Variants in CADM4 observed in about 807,000 individuals in gnomAD.
The protein encoded by CADM4 is TSLC1-like 2.
A neutral mutation model predicts 43.9 loss-of-function variants in CADM4; 13 were observed. That is an observed-to-expected ratio of 0.30 (90% CI 0.19 to 0.47). CADM4 has a LOEUF of 0.47. Ranked by LOEUF, CADM4 falls within the 20% of genes least tolerant of loss-of-function variation. The pLI is 1.00. For synonymous variants in CADM4, 209 were observed against 220.9 expected (o/e 0.95, Z 0.48); for missense variants, 420 against 527.0 (o/e 0.80, Z 1.99).
rs986495216 is a variant in CADM4 at position 43,639,700 on chromosome 19, C to T, written c.64+27G>A. 5.0e-5 allele frequency: 49 copies of T among 983,878 alleles called. No individual in the cohort carries two copies. In the Admixed American group the frequency reaches 1.5e-3, roughly 30 times the overall value. 60.9% of individuals were successfully genotyped at this position (983,878 alleles called of 1,614,324 possible). ...CAGCGCGCCCCCCGCCCCAGCCCGG[C>T]CGGCCGACCCCGGCCCCCGACCCTA... On this transcript the variant is annotated intron_variant, in intron 1 of 8. Coordinates refer to ENST00000222374, the MANE Select transcript of CADM4 (RefSeq NM_145296.2).
In CADM4 at chr19:43,626,981, G is replaced by A; in HGVS notation, c.365-63C>T. On this transcript the variant is annotated intron_variant, in intron 3 of 8. Transcript: ENST00000222374. This position sits in a 1 kb window ranked among gnomAD's most constrained non-coding sequence, Gnocchi z 5.9. ...GCACGAACGTGGGCTCAAAGCGATC[G>A]AGCTGCCTGTTCCCAGCGACCATAG... 2 of 1,508,590 alleles carry A rather than the reference G, an allele frequency of 1.3e-6. No homozygotes were observed. Among genetic ancestry groups the A allele is most frequent in the East Asian group, 2.4e-5 (1 of 41,790 alleles). 93.5% of individuals were successfully genotyped at this position (1,508,590 alleles called of 1,614,324 possible). A position where few individuals can be genotyped will look rare whatever the true frequency, so the allele number is the denominator to read the frequency against.
Position 43,639,816 on chromosome 19 carries a change from C to T in CADM4, c.-26G>A, listed in dbSNP as rs995701126. The T allele has an allele frequency of 1.2e-5, 12 of 998,516 alleles. No homozygotes were observed. The African/African-American group carries it at 2.0e-4, about 16-fold the overall frequency. 61.9% of individuals were successfully genotyped at this position (998,516 alleles called of 1,614,324 possible). ...GGTGCCGCCGCCGCCGCCGCCGCCG[C>T]TCGCTCCCGGCCCGGCACCTGCACC... On this transcript the variant is annotated 5_prime_UTR_variant, in exon 1 of 9. Transcript: ENST00000222374.
chr19:43,630,541 C>T (rs1973607187), intron 1 of CADM4, among the ~76,000 whole-genome samples: 1 of 152,096 alleles, frequency 6.6e-6, no homozygotes, highest in African/African-American at 2.4e-5. Flanking sequence ...GCCTCGGCCT[C>T]CCAAAGTGCT....
Position 43,626,942 on chromosome 19 carries a change from AG to A in CADM4, c.365-25del. The A allele has an allele frequency of 6.4e-7, 1 of 1,567,626 alleles. No individual in the cohort carries two copies. The highest frequency in any genetic ancestry group is 8.6e-7 in the Non-Finnish European group (1 of 1,156,888). ...CACTGCCGCAGGGAGAAGGGAAGTAAGGGGTTAAAGAAGGCACGAACGTGGG... is the reference window on the plus strand; with the variant it reads ...CACTGCCGCAGGGAGAAGGGAAGTAAGGGTTAAAGAAGGCACGAACGTGGG... On this transcript the variant is annotated intron_variant, in intron 3 of 8. Coordinates refer to ENST00000222374, the MANE Select transcript of CADM4 (RefSeq NM_145296.2). This position sits in a 1 kb window ranked among gnomAD's most constrained non-coding sequence, Gnocchi z 5.9.
rs941809134 is a variant in CADM4, at chr19:43,623,990, C to T, written c.1057+124G>A. 14 of 1,220,006 alleles carry T rather than the reference C, an allele frequency of 1.1e-5. No homozygotes were observed. In the African/African-American group the frequency reaches 1.4e-4, roughly 12 times the overall value. The allele number at this position is 1,220,006 out of a possible 1,614,324, so 75.6% of individuals were successfully genotyped here. On this transcript the variant is annotated intron_variant, in intron 8 of 8. Coordinates refer to ENST00000222374, the MANE Select transcript of CADM4 (RefSeq NM_145296.2). This position sits in a 1 kb window ranked among gnomAD's most constrained non-coding sequence, Gnocchi z 4.4. The stretch of plus-strand genomic sequence containing the variant: ...CCGCCCCCTTTGTCATCTCCGCCCC[C>T]GGTGCGGCGGGATTTGGAATCCAGA...
Position 43,627,432 on chromosome 19 carries a change from A to G in CADM4, c.212-114T>C, listed in dbSNP as rs971581840. 3.7e-6 allele frequency: 5 copies of G among 1,344,400 alleles called. No individual in the cohort carries two copies. The highest frequency in any genetic ancestry group is 5.0e-6 in the Non-Finnish European group (5 of 1,002,038). The allele number at this position is 1,344,400 out of a possible 1,614,324, so 83.3% of individuals were successfully genotyped here. The stretch of plus-strand genomic sequence containing the variant: ...CTGCCTCTTTTCTCCAGCCATATCT[A>G]TGAGTCTGAGGTGTCCAACTATTTA... On this transcript the variant is annotated intron_variant, in intron 2 of 8. Coordinates refer to ENST00000222374, the MANE Select transcript of CADM4 (RefSeq NM_145296.2). The surrounding 1 kb of genome is among the most constrained non-coding windows in gnomAD (Gnocchi z 4.0).
intron 1 of CADM4, among the ~76,000 whole-genome samples, chr19:43,638,448 C>T (rs1209220626): frequency 3.3e-5 from 5 of 152,268 alleles, no homozygotes; most frequent in African/African-American, 9.6e-5. Context: ...CAATCTCTGC[C>T]GAACACCCAG....
intron 1 of CADM4, among the ~76,000 whole-genome samples, chr19:43,628,017 C>A (rs1233279706): frequency 6.6e-6 from 1 of 152,112 alleles, no homozygotes; most frequent in Non-Finnish European, 1.5e-5. Flanking sequence ...CTAATGAGGG[C>A]AGCACAGGGC....
chr19:43,634,434 G>A (rs1020369632), intron 1 of CADM4, among the ~76,000 whole-genome samples: 1 of 152,168 alleles, frequency 6.6e-6, no homozygotes, highest in African/African-American at 2.4e-5. Context: ...GAGCCATCAG[G>A]TTCCTCTGGA....
At chr19:43,634,286 T>G (rs1377037037) in intron 1 of CADM4, among the ~76,000 whole-genome samples, 1 of 152,226 alleles carries the variant, frequency 6.6e-6, no homozygotes, top group Non-Finnish European at 1.5e-5. Context: ...ATTCTGGTGC[T>G]TTTAAAAACA....
Position 43,625,107 on chromosome 19 carries a change from G to T in CADM4, c.899C>A (p.Ala300Glu). The change falls in exon 7 of 9, where the codon GCG becomes GAG. Residue 300 changes from alanine (A) to glutamate (E), a missense_variant. Coordinates refer to ENST00000222374, the MANE Select transcript of CADM4 (RefSeq NM_145296.2). The surrounding 1 kb of genome is among the most constrained non-coding windows in gnomAD (Gnocchi z 4.5). ...TCEASNKHGH[A>E]RALYVLVVYD... is the part of the protein sequence containing the mutation. ...GACCACAAGTACGTAGAGCGCCCTC[G>T]CATGGCCGTGCTTATTGGACGCCTC... 6.6e-7 allele frequency: 1 copy of T among 1,512,936 alleles called. No individual in the cohort carries two copies. Among genetic ancestry groups the T allele is most frequent in the Non-Finnish European group, 8.9e-7 (1 of 1,118,040 alleles). 93.7% of individuals were successfully genotyped at this position (1,512,936 alleles called of 1,614,324 possible). A position where few individuals can be genotyped will look rare whatever the true frequency, so the allele number is the denominator to read the frequency against.
chr19:43,628,109 C>T (rs1973559095), intron 1 of CADM4, among the ~76,000 whole-genome samples: 1 of 152,148 alleles, frequency 6.6e-6, no homozygotes, highest in Admixed American at 6.5e-5. Flanking sequence ...TGCAAGAAAG[C>T]TCCATTGGAT....
In CADM4 at chr19:43,623,238, G is replaced by T; in HGVS notation, c.*92C>A. On this transcript the variant is annotated 3_prime_UTR_variant, in exon 9 of 9. Transcript: ENST00000222374. This position sits in a 1 kb window ranked among gnomAD's most constrained non-coding sequence, Gnocchi z 4.4. Reference sequence around the variant, plus strand: ...GTGGGGGGAGAAGCCCACCATCCCAGACTCTGGTAAATGTCTTTGCTGGTT... The same window carrying T: ...GTGGGGGGAGAAGCCCACCATCCCATACTCTGGTAAATGTCTTTGCTGGTT... The T allele has an allele frequency of 2.2e-6, 2 of 915,086 alleles. No homozygotes were observed. Among genetic ancestry groups the T allele is most frequent in the South Asian group, 1.3e-5 (1 of 76,830 alleles). The allele number at this position is 915,086 out of a possible 1,614,324, so 56.7% of individuals were successfully genotyped here.
chr19:43,624,899 G>C (rs1221584516), intron 7 of CADM4, 179 bp downstream of exon 7: 2 of 629,374 alleles, frequency 3.2e-6, no homozygotes, highest in African/African-American at 3.7e-5. Flanking sequence ...GACAGGTTCG[G>C]TTACCTGCAA....
chr19:43,640,245 C>T (rs1476906284), upstream of CADM4, among the ~76,000 whole-genome samples: 3 of 145,840 alleles, frequency 2.1e-5, no homozygotes, highest in African/African-American at 7.7e-5. Flanking sequence ...GCGCGGGCGT[C>T]GTGGGGTGCG....
Position 43,623,747 on chromosome 19 carries a change from GCT to G in CADM4, c.1058-310_1058-309del, listed in dbSNP as rs1973477103. On this transcript the variant is annotated intron_variant, in intron 8 of 8. Coordinates refer to ENST00000222374, the MANE Select transcript of CADM4 (RefSeq NM_145296.2). The surrounding 1 kb of genome is among the most constrained non-coding windows in gnomAD (Gnocchi z 4.4). ...AATAAATTGTTTTATTCAAATCCAT[GCT>G]CTTTTTTTCCCCTAATTTTTTGTAT... Among the ~76,000 whole-genome samples the G allele has an allele frequency of 6.6e-6, 1 of 152,164 alleles. No homozygotes were observed. Among genetic ancestry groups the G allele is most frequent in the African/African-American group, 2.4e-5 (1 of 41,434 alleles).
intron 8 of CADM4, 49 bp downstream of exon 8, chr19:43,624,065 C>T (rs781138933): frequency 1.2e-6 from 2 of 1,604,642 alleles, no homozygotes; most frequent in South Asian, 1.1e-5. Flanking sequence ...CGCCTCTTTC[C>T]GAGCCCTACA....
chr19:43,638,761 C>G (rs1484068230), intron 1 of CADM4, among the ~76,000 whole-genome samples: 1 of 152,224 alleles, frequency 6.6e-6, no homozygotes, highest in Non-Finnish European at 1.5e-5. Context: ...TTCGCTGAAT[C>G]CACGTGTGTG....
intron 1 of CADM4, among the ~76,000 whole-genome samples, chr19:43,630,008 G>C (rs973416095): frequency 2.6e-5 from 4 of 151,558 alleles, no homozygotes; most frequent in Admixed American, 2.6e-4. Flanking sequence ...TCCCAGGCTC[G>C]AGTGATCCCA....
Sources: gnomAD v4.1 joint callset for allele counts (sites outside exome capture counted in the v4.1 genomes callset) on GRCh38, gnomAD v4.1.1 for gene constraint, Gnocchi (gnomAD v3.1) non-coding constraint, MANE v1.5 for transcripts, NCBI Gene and HGNC (gene_info 2026-07-23, HGNC 2026-07-21) for gene names.